Variants in RNF180 observed in about 807,000 individuals in gnomAD.
RNF180 encodes ring finger protein 180, also known as E3 ubiquitin-protein ligase RNF180.
Under a neutral mutation model 59.2 loss-of-function variants are expected in RNF180, and 38 were observed. The observed-to-expected ratio is 0.64, with a 90% CI of 0.50 to 0.84. The LOEUF is 0.84. Ranked by LOEUF, RNF180 falls within the 40% of genes least tolerant of loss-of-function variation. The probability of loss-of-function intolerance (pLI) is 0.00; values close to 1 mark genes in which losing one functional copy is unlikely to be tolerated. For missense variants in RNF180, 705 were observed against 700.9 expected (o/e 1.01, Z -0.07); for synonymous variants, 262 against 240.3 (o/e 1.09, Z -0.84).
In RNF180 at chr5:64,325,176, T is replaced by G. The variant is rs757223760; in HGVS notation, c.1228-10T>G. On this transcript the variant is annotated splice_polypyrimidine_tract_variant and intron_variant, in intron 5 of 7. Coordinates refer to ENST00000389100, the MANE Select transcript of RNF180 (RefSeq NM_001113561.2). ...CTAAATTAAGAAAAAAGTTTTCTTA[T>G]GTTTTGCAGACTTTGAATAATGAGA... The G allele has an allele frequency of 6.5e-7, 1 of 1,527,708 alleles. No homozygotes were observed. The allele number at this position is 1,527,708 out of a possible 1,614,324, so 94.6% of individuals were successfully genotyped here. A position where few individuals can be genotyped will look rare whatever the true frequency, so the allele number is the denominator to read the frequency against.
At chr5:64,247,187 C>G (rs1176168979) in intron 5 of RNF180, among the ~76,000 whole-genome samples, 1 of 152,176 alleles carries the variant, frequency 6.6e-6, no homozygotes, top group East Asian at 1.9e-4. Context: ...GAAGCATTCC[C>G]TTCGAAAACC....
chr5:64,319,598 G>A (rs1379479629), intron 5 of RNF180, among the ~76,000 whole-genome samples: 2 of 152,156 alleles, frequency 1.3e-5, no homozygotes, highest in African/African-American at 4.8e-5. Flanking sequence ...AAATACAAAT[G>A]TTTTTCAAAG....
At chr5:64,299,118 G>A (rs768060282) in intron 5 of RNF180, among the ~76,000 whole-genome samples, 74 of 151,898 alleles carry the variant, frequency 4.9e-4, no homozygotes, top group Non-Finnish European at 8.8e-4. Context: ...CGCCATGCGA[G>A]GACACAGCAA....
At chr5:64,281,684 G>A (rs554427527) in intron 5 of RNF180, among the ~76,000 whole-genome samples, 2 of 152,098 alleles carry the variant, frequency 1.3e-5, no homozygotes, top group African/African-American at 2.4e-5. Flanking sequence ...TTTCAGTAGA[G>A]ACAAGGTTTC....
At chr5:64,192,542 C>T (rs2131997) in intron 1 of RNF180, among the ~76,000 whole-genome samples, 2,072 of 151,908 alleles carry the variant, frequency 0.014, 18 homozygotes, top group Non-Finnish European at 0.021. Flanking sequence ...CGTGGTGGCG[C>T]GTGCCTGTAA....
chr5:64,230,545 C>A (rs1426461926), intron 5 of RNF180, among the ~76,000 whole-genome samples: 2 of 152,218 alleles, frequency 1.3e-5, no homozygotes, highest in African/African-American at 4.8e-5. Context: ...TTTAAGGACC[C>A]TGTGATTACA....
At chr5:64,331,504 A>G (rs1032622961) in intron 7 of RNF180, among the ~76,000 whole-genome samples, 6 of 152,162 alleles carry the variant, frequency 3.9e-5, no homozygotes, top group African/African-American at 1.4e-4. Flanking sequence ...CCTACCTGAC[A>G]ATATGACCTG....
chr5:64,320,961 C>T (rs565454953), intron 5 of RNF180, among the ~76,000 whole-genome samples: 87 of 152,194 alleles, frequency 5.7e-4, no homozygotes, highest in African/African-American at 2.1e-3. Flanking sequence ...TGGCATGAAC[C>T]CGGGAGGCGG....
intron 5 of RNF180, among the ~76,000 whole-genome samples, chr5:64,317,796 T>A (rs189310347): frequency 3.0e-5 from 4 of 131,258 alleles, no homozygotes; most frequent in Admixed American, 2.2e-4. Flanking sequence ...GATAAACCCA[T>A]TTTAAATTGA....
At chr5:64,235,419 A>AAATAAGCATGAATTTCTTTTATTAC (rs1385549263) in intron 5 of RNF180, among the ~76,000 whole-genome samples, 11 of 152,320 alleles carry the variant, frequency 7.2e-5, no homozygotes, top group Non-Finnish European at 1.2e-4. Context: ...TAAATACTTA[A>AAATAAGCATGAATTTCTTTTATTAC]AATAAGCATG....
chr5:64,330,613 C>T (rs759290083), intron 7 of RNF180, among the ~76,000 whole-genome samples: 10 of 152,164 alleles, frequency 6.6e-5, no homozygotes, highest in Non-Finnish European at 1.0e-4. Flanking sequence ...AGAGCAAATC[C>T]GAAGACTCAT....
intron 5 of RNF180, among the ~76,000 whole-genome samples, chr5:64,241,405 C>G (rs190521980): frequency 7.2e-5 from 11 of 152,230 alleles, no homozygotes; most frequent in Admixed American, 5.2e-4. Context: ...GATCCAGACA[C>G]CTTTTCTTTC....
chr5:64,318,232 T>C (rs963385536), intron 5 of RNF180, among the ~76,000 whole-genome samples: 1 of 152,208 alleles, frequency 6.6e-6, no homozygotes, highest in African/African-American at 2.4e-5. Context: ...AACTATATTC[T>C]GTAATAAAAG....
At chr5:64,348,668 G>A (rs547044223) in intron 7 of RNF180, among the ~76,000 whole-genome samples, 2 of 152,018 alleles carry the variant, frequency 1.3e-5, no homozygotes, top group East Asian at 3.9e-4. Flanking sequence ...AAATTGAATT[G>A]TCATTAAATT....
At chr5:64,369,097 T>C (rs1580322348) in intron 7 of RNF180, among the ~76,000 whole-genome samples, 1 of 152,178 alleles carries the variant, frequency 6.6e-6, no homozygotes, top group East Asian at 1.9e-4. Flanking sequence ...TAAGAAAATG[T>C]GGCACATATA....
intron 5 of RNF180, among the ~76,000 whole-genome samples, chr5:64,225,518 CGGCCGCCCTTCGTCTGG>C: frequency 7.2e-6 from 1 of 138,902 alleles, no homozygotes; most frequent in East Asian, 2.3e-4. Context: ...CGCCTCTGCC[CGGCCGCCCTTCGTCTGG>C]GAGGTGAGGA....
intron 5 of RNF180, among the ~76,000 whole-genome samples, chr5:64,319,998 C>T (rs1744263210): frequency 6.6e-6 from 1 of 152,172 alleles, no homozygotes; most frequent in South Asian, 2.1e-4. Context: ...AATCAGTTTT[C>T]AAAGTGTGAA....
At chr5:64,189,103 A>G (rs1331185598) in intron 1 of RNF180, among the ~76,000 whole-genome samples, 2 of 152,084 alleles carry the variant, frequency 1.3e-5, no homozygotes, top group Non-Finnish European at 2.9e-5. Flanking sequence ...CTTACCAGAA[A>G]GAAACCCTGC....
At chr5:64,221,591 G>A (rs2112153743) in intron 5 of RNF180, among the ~76,000 whole-genome samples, 1 of 152,276 alleles carries the variant, frequency 6.6e-6, no homozygotes, top group African/African-American at 2.4e-5. Context: ...TAAATGTGCA[G>A]TCAAGTTAAA....
Sources: gnomAD v4.1 joint callset for allele counts (sites outside exome capture counted in the v4.1 genomes callset) on GRCh38, gnomAD v4.1.1 for gene constraint, MANE v1.5 for transcripts, NCBI Gene and HGNC (gene_info 2026-07-23, HGNC 2026-07-21) for gene names.